The following FLRT2 variants were observed in gnomAD, a reference collection of about 807,000 sequenced individuals.
FLRT2 encodes the protein leucine-rich repeat transmembrane protein FLRT2.
FLRT2 carries 15 observed loss-of-function variants against 40.0 expected under a neutral mutation model. The ratio of observed to expected loss-of-function variants is 0.38; its 90% confidence interval spans 0.25 to 0.58. The LOEUF is 0.58. Ranked by LOEUF, FLRT2 falls within the 20% of genes least tolerant of loss-of-function variation. FLRT2 has a pLI of 0.71. For synonymous variants in FLRT2, 380 were observed against 336.8 expected (o/e 1.13, Z -1.41); for missense variants, 726 against 840.0 (o/e 0.86, Z 1.68).
At chr14:85,594,539 C>T (rs1333443990) in intron 1 of FLRT2, among the ~76,000 whole-genome samples, 1 of 152,174 alleles carries the variant, frequency 6.6e-6, no homozygotes, top group African/African-American at 2.4e-5. Flanking sequence ...ATCTCTCTTA[C>T]CCCAGTAGGT....
rs919806779 is a variant in FLRT2 at position 85,649,243 on chromosome 14, A to T, written c.*25746A>T. 1.3e-5 allele frequency: 2 copies of T among 151,846 alleles called. No individual in the cohort carries two copies. Among genetic ancestry groups the T allele is most frequent in the Non-Finnish European group, 2.9e-5 (2 of 67,942 alleles). 9.4% of individuals were successfully genotyped at this position (151,846 alleles called of 1,614,324 possible). A position where few individuals can be genotyped will look rare whatever the true frequency, so the allele number is the denominator to read the frequency against. ...CCCTATGTATTTATTCCGGTTAACA[A>T]TTTTACTTGAGTAGAAATCACTTGA... On this transcript the variant is annotated 3_prime_UTR_variant, in exon 2 of 2. Transcript: ENST00000330753.
chr14:85,561,616 G>A (rs1002373814), intron 1 of FLRT2, among the ~76,000 whole-genome samples: 2 of 152,122 alleles, frequency 1.3e-5, no homozygotes, highest in Admixed American at 6.5e-5. Context: ...CCTGATGCAC[G>A]GCTCCTGCCA....
At chr14:85,619,662 C>G (rs1893297021) in intron 1 of FLRT2, among the ~76,000 whole-genome samples, 1 of 152,008 alleles carries the variant, frequency 6.6e-6, no homozygotes, top group Non-Finnish European at 1.5e-5. Flanking sequence ...AATAGTTCCT[C>G]TATGCTTTTA....
At position 85,592,803 on chromosome 14, in the gene FLRT2, A is replaced by AAG. The variant is rs1555369083; in HGVS notation, c.-376-28335_-376-28334insGA. On this transcript the variant is annotated intron_variant, in intron 1 of 1. Transcript: ENST00000330753. ...AAACTCCGTCTCAAAAAAAAAAAAA[A>AAG]AAAAGAAAAAAAAGAAAACCTGGAA... Among the ~76,000 whole-genome samples the AAG allele has an allele frequency of 5.2e-4, 52 of 99,860 alleles. 1 individual carries two copies. Among genetic ancestry groups the AAG allele is most frequent in the Non-Finnish European group, 2.5e-4 (12 of 48,344 alleles). The allele number at this position is 99,860 out of a possible 152,430, so 65.5% of individuals were successfully genotyped here.
chr14:85,548,678 T>C (rs995541952), intron 1 of FLRT2, among the ~76,000 whole-genome samples: 1 of 152,196 alleles, frequency 6.6e-6, no homozygotes, highest in Admixed American at 6.5e-5. Context: ...ATCTCCATGA[T>C]TGTATTCTTT....
At chr14:85,601,650 T>A (rs1892382283) in intron 1 of FLRT2, among the ~76,000 whole-genome samples, 1 of 152,326 alleles carries the variant, frequency 6.6e-6, no homozygotes, top group East Asian at 1.9e-4. Flanking sequence ...GTCCTGCTAC[T>A]CCCTGAGCCT....
chr14:85,565,012 T>C (rs1399439998), intron 1 of FLRT2, among the ~76,000 whole-genome samples: 1 of 152,210 alleles, frequency 6.6e-6, no homozygotes, highest in East Asian at 1.9e-4. Context: ...AGTCTTGGTA[T>C]GCAATTTGTA....
chr14:85,583,977 A>G (rs1566739804), intron 1 of FLRT2, among the ~76,000 whole-genome samples: 4 of 151,232 alleles, frequency 2.6e-5, no homozygotes, highest in Admixed American at 2.0e-4. Flanking sequence ...AAAAAAAAAA[A>G]GACTAGGTAG....
chr14:85,542,506 A>G (rs371321287), intron 1 of FLRT2, among the ~76,000 whole-genome samples: 1 of 152,170 alleles, frequency 6.6e-6, no homozygotes, highest in East Asian at 1.9e-4. Context: ...ATATATACAT[A>G]TAATTAATCA....
At chr14:85,572,211 G>A (rs986253631) in intron 1 of FLRT2, among the ~76,000 whole-genome samples, 1 of 151,832 alleles carries the variant, frequency 6.6e-6, no homozygotes, top group Non-Finnish European at 1.5e-5. Context: ...GCTTATCTAA[G>A]TCCTACTCCT....
chr14:85,652,760 T>G lies in FLRT2; in HGVS notation c.*29263T>G, dbSNP rs1054655817. ...TAAGCATGAAATATTTTCACTGATT[T>G]ATAAGAATCCAGAAATTATCAATGA... On this transcript the variant is annotated 3_prime_UTR_variant, in exon 2 of 2. Transcript: ENST00000330753. 1.3e-5 allele frequency: 2 copies of G among 152,216 alleles called. No individual in the cohort carries two copies. Among genetic ancestry groups the G allele is most frequent in the African/African-American group, 4.8e-5 (2 of 41,458 alleles). 9.4% of individuals were successfully genotyped at this position (152,216 alleles called of 1,614,324 possible).
At chr14:85,573,825 C>G (rs1392010233) in intron 1 of FLRT2, among the ~76,000 whole-genome samples, 1 of 152,204 alleles carries the variant, frequency 6.6e-6, no homozygotes, top group Non-Finnish European at 1.5e-5. Flanking sequence ...TTTTGACATT[C>G]TCAAGTAAAC....
intron 1 of FLRT2, among the ~76,000 whole-genome samples, chr14:85,536,536 T>A (rs1410706123): frequency 6.6e-6 from 1 of 152,214 alleles, no homozygotes; most frequent in African/African-American, 2.4e-5. Flanking sequence ...CAATTCGAGT[T>A]CCTTTTTCAC....
intron 1 of FLRT2, among the ~76,000 whole-genome samples, chr14:85,533,321 C>T (rs1231727770): frequency 6.6e-6 from 1 of 151,764 alleles, no homozygotes; most frequent in Non-Finnish European, 1.5e-5. Flanking sequence ...GCGGCGCCTA[C>T]ATTAGCCCGG....
intron 1 of FLRT2, among the ~76,000 whole-genome samples, chr14:85,603,256 A>G (rs74068505): frequency 7.1e-4 from 108 of 152,336 alleles, no homozygotes; most frequent in African/African-American, 2.4e-3. Context: ...CAACGCCTGT[A>G]GAGCTATCTA....
intron 1 of FLRT2, among the ~76,000 whole-genome samples, chr14:85,542,507 T>C (rs1218929822): frequency 6.6e-6 from 1 of 152,154 alleles, no homozygotes; most frequent in Non-Finnish European, 1.5e-5. Context: ...TATATACATA[T>C]AATTAATCAA....
At chr14:85,588,078 C>T (rs2139310857) in intron 1 of FLRT2, among the ~76,000 whole-genome samples, 1 of 152,146 alleles carries the variant, frequency 6.6e-6, no homozygotes, top group Middle Eastern at 3.4e-3. Context: ...CAGCTTCTTT[C>T]TTATTGATGA....
At chr14:85,581,497 G>A (rs1354695580) in intron 1 of FLRT2, among the ~76,000 whole-genome samples, 2 of 152,112 alleles carry the variant, frequency 1.3e-5, no homozygotes, top group African/African-American at 2.4e-5. Flanking sequence ...GCAATATGGC[G>A]GTTGTTCCCT....
chr14:85,645,579 T>G lies in FLRT2; in HGVS notation c.*22082T>G, dbSNP rs1894277930. ...TTTGGATCATTGGTAATAAGGAGAC[T>G]TAGGGAAGAAATACGTGTTAAGGAT... On this transcript the variant is annotated 3_prime_UTR_variant, in exon 2 of 2. Coordinates refer to ENST00000330753, the MANE Select transcript of FLRT2 (RefSeq NM_013231.6). 1 of 152,138 alleles carries G rather than the reference T, an allele frequency of 6.6e-6. No homozygotes were observed. The highest frequency in any genetic ancestry group is 1.9e-4 in the East Asian group (1 of 5,186). 9.4% of individuals were successfully genotyped at this position (152,138 alleles called of 1,614,324 possible). A position where few individuals can be genotyped will look rare whatever the true frequency, so the allele number is the denominator to read the frequency against.
Sources: gnomAD v4.1 joint callset for allele counts (sites outside exome capture counted in the v4.1 genomes callset) on GRCh38, gnomAD v4.1.1 for gene constraint, MANE v1.5 for transcripts, NCBI Gene and HGNC (gene_info 2026-07-23, HGNC 2026-07-21) for gene names.